TRIM37: variants seen among roughly 807,000 people sequenced by gnomAD.
TRIM37 encodes the protein tripartite motif containing 37.
TRIM37 carries 80 observed loss-of-function variants against 129.8 expected under a neutral mutation model. The observed-to-expected ratio is 0.62, with a 90% CI of 0.51 to 0.74. The LOEUF is 0.74. TRIM37 is among the 30% of genes least tolerant of loss of function. The pLI, the probability that TRIM37 is intolerant of heterozygous loss-of-function variation, is 0.00. For synonymous variants in TRIM37, 389 were observed against 387.1 expected, an observed-to-expected ratio of 1.00 and a Z score of -0.06; for missense variants, 1,054 against 1,176.5, an observed-to-expected ratio of 0.90 and a Z score of 1.52.
intron 9 of TRIM37, among the ~76,000 whole-genome samples, chr17:59,068,526 T>A (rs1458342739): frequency 6.6e-6 from 1 of 152,202 alleles, no homozygotes; most frequent in Non-Finnish European, 1.5e-5. Context: ...AAAACTGAAA[T>A]AGCTGACCAC....
intron 22 of TRIM37, among the ~76,000 whole-genome samples, chr17:59,008,033 G>A (rs996496248): frequency 6.6e-6 from 1 of 152,206 alleles, no homozygotes; most frequent in Non-Finnish European, 1.5e-5. Context: ...GGTTTCCTGA[G>A]AACTTGCTCT....
At chr17:59,076,117 C>T (rs1232282111) in intron 7 of TRIM37, among the ~76,000 whole-genome samples, 1 of 151,948 alleles carries the variant, frequency 6.6e-6, no homozygotes, top group East Asian at 1.9e-4. Context: ...AAAGAGAATA[C>T]AAAGTGGGCC....
downstream of TRIM37, among the ~76,000 whole-genome samples, chr17:58,997,444 A>T (rs2033121161): frequency 6.6e-6 from 1 of 152,186 alleles, no homozygotes; most frequent in Non-Finnish European, 1.5e-5. Flanking sequence ...TTTGAACCTG[A>T]AGAGAATCAT....
intron 3 of TRIM37, 33 bp downstream of exon 3, chr17:59,091,267 A>G (rs376390443): frequency 1.8e-5 from 28 of 1,572,362 alleles, no homozygotes; most frequent in Non-Finnish European, 2.3e-5. Context: ...TACTATTTTC[A>G]AAATTCACAA....
At chr17:59,041,179 C>A (rs2039113607) in intron 17 of TRIM37, among the ~76,000 whole-genome samples, 1 of 152,064 alleles carries the variant, frequency 6.6e-6, no homozygotes, top group Non-Finnish European at 1.5e-5. Context: ...TCCGAGAACA[C>A]ACAAAAAAGT....
chr17:59,009,446 T>TC (rs961947108), intron 22 of TRIM37, among the ~76,000 whole-genome samples: 1 of 120,578 alleles, frequency 8.3e-6, no homozygotes. Context: ...TTCTTTTCTT[T>TC]TTTTTTTTTT....
chr17:59,082,958 T>C (rs1013860111), intron 5 of TRIM37, among the ~76,000 whole-genome samples: 6 of 152,142 alleles, frequency 3.9e-5, no homozygotes, highest in Non-Finnish European at 5.9e-5. Context: ...TCAACCAATC[T>C]GGCCTGCCAC....
chr17:59,028,669 A>G lies in TRIM37; in HGVS notation c.2003T>C (p.Val668Ala). ...DQRKQQAMWR[V>A]PSDLKMLKRL... is the part of the protein sequence containing the mutation. ...TTTTAGCATCTTTAAATCAGAGGGC[A>G]CTCGCCACATTGCCTGTTGCTTCCT... The change falls in exon 19 of 24, where the codon GTG (valine) becomes GCG (alanine). Residue 668 changes from valine (V) to alanine (A), a missense_variant. Transcript: ENST00000262294. 1 of 1,614,188 alleles carries G rather than the reference A, an allele frequency of 6.2e-7. No homozygotes were observed. Among genetic ancestry groups the G allele is most frequent in the East Asian group, 2.2e-5 (1 of 44,886 alleles).
chr17:58,976,897 A>T, the TRIM37 span, among the ~76,000 whole-genome samples: 1 of 152,244 alleles, frequency 6.6e-6, no homozygotes, highest in East Asian at 1.9e-4. Context: ...AATTCAAAAA[A>T]TAATAATGAT....
At chr17:59,103,492 C>T (rs1281292873) in intron 2 of TRIM37, among the ~76,000 whole-genome samples, 1 of 151,724 alleles carries the variant, frequency 6.6e-6, no homozygotes, top group African/African-American at 2.4e-5. Flanking sequence ...CAGGCACACA[C>T]CACCATGCCC....
At chr17:59,090,548 G>A (rs1169768820) in intron 3 of TRIM37, among the ~76,000 whole-genome samples, 1 of 151,922 alleles carries the variant, frequency 6.6e-6, no homozygotes, top group East Asian at 1.9e-4. Flanking sequence ...GAATCAGAAG[G>A]CTTTTTATTT....
Position 58,999,146 on chromosome 17 carries a change from G to A in TRIM37, c.*231C>T, listed in dbSNP as rs988184388. 7 of 1,357,758 alleles carry A rather than the reference G, an allele frequency of 5.2e-6. No homozygotes were observed. The highest frequency in any genetic ancestry group is 4.4e-5 in the African/African-American group (3 of 67,646). 84.1% of individuals were successfully genotyped at this position (1,357,758 alleles called of 1,614,324 possible). A position where few individuals can be genotyped will look rare whatever the true frequency, so the allele number is the denominator to read the frequency against. ...TGCTAAATTAATAGAGAACTACATT[G>A]TTATTTCCTTACATTACAAAGAACT... On this transcript the variant is annotated 3_prime_UTR_variant, in exon 24 of 24. Coordinates refer to ENST00000262294, the MANE Select transcript of TRIM37 (RefSeq NM_015294.6).
At chr17:59,097,376 T>C (rs2045000215) in intron 2 of TRIM37, among the ~76,000 whole-genome samples, 1 of 152,188 alleles carries the variant, frequency 6.6e-6, no homozygotes, top group Admixed American at 6.5e-5. Context: ...TGATCTTATC[T>C]GTAAAAATCC....
At chr17:59,042,449 A>AAAATATAT (rs1555661494) in intron 16 of TRIM37, among the ~76,000 whole-genome samples, 3 of 36,062 alleles carry the variant, frequency 8.3e-5, no homozygotes, top group African/African-American at 2.2e-4. Flanking sequence ...AAAAAAAAAA[A>AAAATATAT]ATATATATAT....
intron 22 of TRIM37, among the ~76,000 whole-genome samples, chr17:59,010,426 C>G (rs751310970): frequency 7.2e-5 from 11 of 152,184 alleles, no homozygotes; most frequent in Non-Finnish European, 1.5e-4. Context: ...GGAATTTTAT[C>G]ACTGGCATCA....
At chr17:59,016,270 T>A (rs1196626347) in intron 20 of TRIM37, among the ~76,000 whole-genome samples, 3 of 151,216 alleles carry the variant, frequency 2.0e-5, no homozygotes, top group African/African-American at 7.3e-5. Context: ...GGCGTGCACT[T>A]GTAGTCCCAG....
intron 24 of TRIM37, among the ~76,000 whole-genome samples, chr17:58,986,096 T>C (rs926573920): frequency 2.0e-5 from 3 of 152,050 alleles, no homozygotes; most frequent in Non-Finnish European, 4.4e-5. Flanking sequence ...TCATAGAAAT[T>C]TACCCAAGTT....
At chr17:59,019,690 A>T (rs1242545261) in intron 19 of TRIM37, among the ~76,000 whole-genome samples, 1 of 152,026 alleles carries the variant, frequency 6.6e-6, no homozygotes, top group East Asian at 1.9e-4. Flanking sequence ...CCTGGGTAAC[A>T]GGGAGAGACT....
chr17:58,981,271 A>T, downstream of TRIM37: 1 of 440,530 alleles, frequency 2.3e-6, no homozygotes, highest in Non-Finnish European at 4.0e-6. Flanking sequence ...CTCGACACCA[A>T]TACACAACCC....
Sources: allele counts gnomAD v4.1 joint callset (sites outside exome capture counted in the v4.1 genomes callset), GRCh38; gene constraint gnomAD v4.1.1; transcripts MANE v1.5; gene names NCBI Gene and HGNC (gene_info 2026-07-23, HGNC 2026-07-21).